The following PRR12 variants were observed in gnomAD, a reference collection of about 807,000 sequenced individuals.
PRR12 encodes proline-rich protein 12.
Under a neutral mutation model 138.0 loss-of-function variants are expected in PRR12, and 12 were observed. That is an observed-to-expected ratio of 0.09 (90% CI 0.06 to 0.14). The LOEUF is 0.14. PRR12 is among the 10% of genes least tolerant of loss of function. The pLI, the probability that PRR12 is intolerant of heterozygous loss-of-function variation, is 1.00. For missense variants in PRR12, 2,692 were observed against 2,861.3 expected, an observed-to-expected ratio of 0.94 and a Z score of 1.35; for synonymous variants, 1,567 against 1,291.7, an observed-to-expected ratio of 1.21 and a Z score of -4.57.
At chr19:49,618,856 C>T (rs1048867198) in intron 9 of PRR12, among the ~76,000 whole-genome samples, 4 of 151,884 alleles carry the variant, frequency 2.6e-5, no homozygotes, top group Non-Finnish European at 5.9e-5. Context: ...GCCTGGACTT[C>T]AGCCTCACTC....
intron 11 of PRR12, among the ~76,000 whole-genome samples, chr19:49,624,089 G>A (rs2080940567): frequency 1.3e-5 from 2 of 149,908 alleles, no homozygotes; most frequent in Admixed American, 6.6e-5. Context: ...CAAGAATTCT[G>A]GGGTAGGTGG....
In PRR12 at chr19:49,595,090, C is replaced by T; in HGVS notation, c.755C>T (p.Ser252Phe). 6.2e-7 allele frequency: 1 copy of T among 1,611,482 alleles called. No individual in the cohort carries two copies. The highest frequency in any genetic ancestry group is 8.5e-7 in the Non-Finnish European group (1 of 1,179,586). ...PTQFNLLASS[S>F]AAAAAAEQSS... is the part of the protein sequence containing the mutation. ...CAGTTCAACCTGCTGGCTTCCTCTT[C>T]CGCTGCCGCCGCCGCTGCCGAGCAG... Residue 252 changes from serine (S) to phenylalanine (F), a missense_variant, in exon 4 of 14, where the codon TCC becomes TTC. Coordinates refer to ENST00000418929, the MANE Select transcript of PRR12 (RefSeq NM_020719.3).
chr19:49,592,208 G>GC (rs965299048), intron 1 of PRR12, among the ~76,000 whole-genome samples: 18 of 152,240 alleles, frequency 1.2e-4, no homozygotes, highest in Middle Eastern at 3.4e-3. Flanking sequence ...GCCACTAGGC[G>GC]CCCCCCCAAG....
Position 49,597,648 on chromosome 19 carries a change from G to A in PRR12, c.3313G>A (p.Glu1105Lys). The change falls in exon 4 of 14, where the codon GAG becomes AAG. Residue 1105 changes from glutamate to lysine, a missense_variant. By Grantham distance (56) the Glu-to-Lys change is moderately conservative. This residue lies in a region of PRR12 where 840 missense variants were observed against 689.8 expected (regional missense o/e 1.22). Transcript: ENST00000418929. The surrounding 1 kb of genome is among the most constrained non-coding windows in gnomAD (Gnocchi z 6.3). ...CCAGGAGTACGAGTTCGAGGCGGAC[G>A]AGGACAAGGCCGATGTTCCCGCCGA... ...YAQEYEFEAD[E>K]DKADVPADIR... 6.2e-7 allele frequency: 1 copy of A among 1,608,446 alleles called. No homozygotes were observed. Among genetic ancestry groups the A allele is most frequent in the East Asian group, 2.2e-5 (1 of 44,658 alleles).
rs751243234 is a variant in PRR12 at position 49,594,644 on chromosome 19, A to C, written c.361+29A>C. On this transcript the variant is annotated intron_variant, in intron 3 of 13. Transcript: ENST00000418929. This position sits in a 1 kb window ranked among gnomAD's most constrained non-coding sequence, Gnocchi z 5.6. ...AGCCCAGCGCCGGCCCTGCAGGGCC[A>C]GGGTGGGACTGGCTCGCTGTTCTCT... 1.2e-6 allele frequency: 2 copies of C among 1,610,878 alleles called. No individual in the cohort carries two copies. Among genetic ancestry groups the C allele is most frequent in the Non-Finnish European group, 8.5e-7 (1 of 1,179,328 alleles).
At chr19:49,621,684 C>T (rs573320593) in intron 11 of PRR12, 62 bp downstream of exon 11, 132 of 1,335,438 alleles carry the variant, frequency 9.9e-5, no homozygotes, top group East Asian at 7.3e-4. Context: ...AAGACATGTA[C>T]GTGTCGGCCG....
In PRR12 at chr19:49,597,705, C is replaced by T. The variant is rs2080783669; in HGVS notation, c.3370C>T (p.Leu1124=). 1.9e-6 allele frequency: 3 copies of T among 1,606,858 alleles called. No individual in the cohort carries two copies. The highest frequency in any genetic ancestry group is 2.5e-6 in the Non-Finnish European group (3 of 1,177,838). Reference sequence around the variant, plus strand: ...CCTCAACCCCCGGCGCTTGCCTGACCTGGTCTCCAGCTGCCGCTCCCGTCC... The same window carrying T: ...CCTCAACCCCCGGCGCTTGCCTGACTTGGTCTCCAGCTGCCGCTCCCGTCC... ...IRLNPRRLPD[L]VSSCRSRPAL... is the part of the protein sequence containing the mutation. Residue 1124 remains leucine, a synonymous_variant, in exon 4 of 14, where the codon CTG becomes TTG. Transcript: ENST00000418929. The surrounding 1 kb of genome is among the most constrained non-coding windows in gnomAD (Gnocchi z 6.3).
At position 49,616,903 on chromosome 19, in the gene PRR12, C is replaced by T. The variant is rs62128120; in HGVS notation, c.5497+684C>T. Among the ~76,000 whole-genome samples the T allele has an allele frequency of 2.1e-3, 316 of 151,908 alleles. 1 individual carries two copies. Among genetic ancestry groups the T allele is most frequent in the Middle Eastern group, 0.017 (5 of 292 alleles). ...CAACACTTTGGGAGGCCAAGGTGGGCGGATCAGCTGAGGTCAGGAGTTCAA... is the reference window on the plus strand; with the variant it reads ...CAACACTTTGGGAGGCCAAGGTGGGTGGATCAGCTGAGGTCAGGAGTTCAA... On this transcript the variant is annotated intron_variant, in intron 9 of 13. Transcript: ENST00000418929. The surrounding 1 kb of genome is among the most constrained non-coding windows in gnomAD (Gnocchi z 4.2).
In PRR12 at chr19:49,625,714, T is replaced by A; in HGVS notation, c.*107T>A. 7.0e-7 allele frequency: 1 copy of A among 1,418,492 alleles called. No homozygotes were observed. The highest frequency in any genetic ancestry group is 9.3e-7 in the Non-Finnish European group (1 of 1,072,920). The allele number at this position is 1,418,492 out of a possible 1,614,324, so 87.9% of individuals were successfully genotyped here. A position where few individuals can be genotyped will look rare whatever the true frequency, so the allele number is the denominator to read the frequency against. On this transcript the variant is annotated 3_prime_UTR_variant, in exon 14 of 14. Coordinates refer to ENST00000418929, the MANE Select transcript of PRR12 (RefSeq NM_020719.3). The surrounding 1 kb of genome is among the most constrained non-coding windows in gnomAD (Gnocchi z 5.5). ...GGGCTCCATCGCCGGGGAAAGGGGGTCATGGGTCAGGGTGTGTCTGTGCTG... is the reference window on the plus strand; with the variant it reads ...GGGCTCCATCGCCGGGGAAAGGGGGACATGGGTCAGGGTGTGTCTGTGCTG...
chr19:49,592,214 C>G (rs781503282), intron 1 of PRR12, among the ~76,000 whole-genome samples: 2 of 152,222 alleles, frequency 1.3e-5, no homozygotes, highest in African/African-American at 4.8e-5. Flanking sequence ...AGGCGCCCCC[C>G]CAAGAATTCC....
In PRR12 at chr19:49,599,554, G is replaced by A. The variant is rs1169932949; in HGVS notation, c.3961G>A (p.Gly1321Ser). 3.8e-6 allele frequency: 6 copies of A among 1,595,788 alleles called. No individual in the cohort carries two copies. The highest frequency in any genetic ancestry group is 5.1e-6 in the Non-Finnish European group (6 of 1,171,710). The part of the protein sequence containing the change: ...KSVPPSVPAR[G>S]LQPQPPATPA... ...TGTGCCACCCTCTGTGCCAGCCCGA[G>A]GCCTGCAGCCCCAGCCCCCTGCCAC... Residue 1321 changes from glycine to serine, a missense_variant, in exon 5 of 14, where the codon GGC (glycine) becomes AGC (serine). By Grantham distance (56) the Gly-to-Ser change is moderately conservative (BLOSUM62 0). Transcript: ENST00000418929. The surrounding 1 kb of genome is among the most constrained non-coding windows in gnomAD (Gnocchi z 5.0).
At position 49,595,741 on chromosome 19, in the gene PRR12, T is replaced by G; in HGVS notation, c.1406T>G (p.Leu469Trp). The change falls in exon 4 of 14, where the codon TTG becomes TGG. Residue 469 changes from leucine to tryptophan, a missense_variant. Leu to Trp is a moderately conservative substitution (Grantham distance 61). Around this residue, in one of 11 missense-constraint regions of PRR12, gnomAD observed 523 missense variants for 496.4 expected, o/e 1.05. Coordinates refer to ENST00000418929, the MANE Select transcript of PRR12 (RefSeq NM_020719.3). ...QGFGGGQAQDLSKAPSYSGGP... is the reference protein window; with the variant it reads ...QGFGGGQAQDWSKAPSYSGGP... ...TTTGGAGGGGGGCAGGCACAGGACTTGAGCAAAGCCCCCAGCTACTCAGGG... is the reference window on the plus strand; with the variant it reads ...TTTGGAGGGGGGCAGGCACAGGACTGGAGCAAAGCCCCCAGCTACTCAGGG... 6.3e-7 allele frequency: 1 copy of G among 1,597,510 alleles called. No individual in the cohort carries two copies. Among genetic ancestry groups the G allele is most frequent in the Non-Finnish European group, 8.5e-7 (1 of 1,172,316 alleles).
Position 49,597,968 on chromosome 19 carries a change from T to A in PRR12, c.3633T>A (p.Ala1211=). 7.2e-7 allele frequency: 1 copy of A among 1,394,516 alleles called. No individual in the cohort carries two copies. Among genetic ancestry groups the A allele is most frequent in the East Asian group, 2.8e-5 (1 of 35,172 alleles). 86.4% of individuals were successfully genotyped at this position (1,394,516 alleles called of 1,614,324 possible). The change falls in exon 4 of 14, where the codon GCT becomes GCA. Residue 1211 remains alanine, a synonymous_variant. Transcript: ENST00000418929. The surrounding 1 kb of genome is among the most constrained non-coding windows in gnomAD (Gnocchi z 6.3). Reference sequence around the variant, plus strand: ...GGGGCCGAGGCCGGGGTCGAAAGGCTGAGGAGGCAGGGGGCACCCGGTTGG... The same window carrying A: ...GGGGCCGAGGCCGGGGTCGAAAGGCAGAGGAGGCAGGGGGCACCCGGTTGG... The part of the protein sequence containing the change: ...RGRGRGRGRK[A]EEAGGTRLEP...
chr19:49,613,969 G>A (rs1195911083), intron 6 of PRR12, among the ~76,000 whole-genome samples: 1 of 152,168 alleles, frequency 6.6e-6, no homozygotes, highest in Admixed American at 6.6e-5. Context: ...TTAGTCGGGT[G>A]TGGTGGCGCA....
intron 9 of PRR12, among the ~76,000 whole-genome samples, chr19:49,619,581 G>T (rs1449028440): frequency 4.2e-5 from 4 of 95,856 alleles, no homozygotes; most frequent in African/African-American, 8.6e-5. Flanking sequence ...CGCTCTTGTT[G>T]TCCAGGCTGG....
intron 6 of PRR12, among the ~76,000 whole-genome samples, chr19:49,604,000 T>C (rs2080825714): frequency 6.6e-6 from 1 of 151,944 alleles, no homozygotes; most frequent in Non-Finnish European, 1.5e-5. Context: ...TTTGTATTTT[T>C]AGTAGAGAAG....
At chr19:49,612,056 C>T (rs189338431) in intron 6 of PRR12, among the ~76,000 whole-genome samples, 1 of 151,700 alleles carries the variant, frequency 6.6e-6, no homozygotes, top group Non-Finnish European at 1.5e-5. Context: ...CATGGTGAAA[C>T]CCCGTCTCCA....
chr19:49,592,175 G>T (rs1397940968), intron 1 of PRR12, among the ~76,000 whole-genome samples: 1 of 152,140 alleles, frequency 6.6e-6, no homozygotes, highest in Non-Finnish European at 1.5e-5. Context: ...AGGTCCTATT[G>T]TTCCGGGACT....
chr19:49,608,546 T>A (rs906229302), intron 6 of PRR12, among the ~76,000 whole-genome samples: 16 of 152,084 alleles, frequency 1.1e-4, no homozygotes, highest in African/African-American at 3.6e-4. Flanking sequence ...AATTTCTGTA[T>A]TTTTAGTAGA....
Sources: gnomAD v4.1 joint callset for allele counts (sites outside exome capture counted in the v4.1 genomes callset) on GRCh38, gnomAD v4.1.1 for gene constraint, gnomAD v4.1.1 regional missense constraint, Gnocchi (gnomAD v3.1) non-coding constraint, MANE v1.5 for transcripts, NCBI Gene and HGNC (gene_info 2026-07-23, HGNC 2026-07-21) for gene names.